The following RAD51B variants were observed in gnomAD, a reference collection of about 807,000 sequenced individuals.
The protein encoded by RAD51B is RAD51 paralog B.
RAD51B carries 38 observed loss-of-function variants against 42.2 expected under a neutral mutation model. That is an observed-to-expected ratio of 0.90 (90% CI 0.70 to 1.18). RAD51B has a LOEUF of 1.18. RAD51B is among the 50% of genes most tolerant of loss of function. RAD51B has a pLI of 0.00. For synonymous variants in RAD51B, 154 were observed against 145.2 expected, an observed-to-expected ratio of 1.06 and a Z score of -0.43; for missense variants, 373 against 400.7, an observed-to-expected ratio of 0.93 and a Z score of 0.59.
chr14:68,127,900 A>G (rs2077804959), intron 7 of RAD51B, among the ~76,000 whole-genome samples: 1 of 152,184 alleles, frequency 6.6e-6, no homozygotes, highest in Admixed American at 6.5e-5. Flanking sequence ...TGTGTCCCCT[A>G]GGAATGTAAG....
chr14:67,897,075 A>G (rs2043446415), intron 7 of RAD51B, among the ~76,000 whole-genome samples: 1 of 152,200 alleles, frequency 6.6e-6, no homozygotes, highest in Admixed American at 6.5e-5. Context: ...CTTATTTTAT[A>G]CCATACACAA....
intron 8 of RAD51B, among the ~76,000 whole-genome samples, chr14:68,358,368 C>T (rs2082950453): frequency 6.6e-6 from 1 of 152,184 alleles, no homozygotes; most frequent in South Asian, 2.1e-4. Flanking sequence ...TAAAGCTAGA[C>T]ATGCCTGTAC....
intron 8 of RAD51B, among the ~76,000 whole-genome samples, chr14:68,360,948 C>T (rs1358501697): frequency 6.6e-6 from 1 of 152,162 alleles, no homozygotes; most frequent in East Asian, 1.9e-4. Context: ...CTCCCTATAG[C>T]ATTCCTTCCT....
Position 68,159,682 on chromosome 14 carries a change from A to G in RAD51B, c.757-132202A>G, listed in dbSNP as rs2078596063. Among the ~76,000 whole-genome samples, 8 of 150,930 alleles carry G rather than the reference A, an allele frequency of 5.3e-5. No individual in the cohort carries two copies. In the South Asian group the frequency reaches 1.7e-3, roughly 32 times the overall value. The stretch of plus-strand genomic sequence containing the variant: ...CTGAACACAGACATTTTAGTTTTTC[A>G]TACTCAGTTTTTACATTCTATTTCC... On this transcript the variant is annotated intron_variant, in intron 7 of 10. Coordinates refer to ENST00000471583, the MANE Select transcript of RAD51B (RefSeq NM_133510.4).
chr14:68,563,935 C>A (rs17105852), intron 10 of RAD51B: 32,991 of 982,132 alleles, frequency 0.034, 648 homozygotes, highest in African/African-American at 0.069. Context: ...ATAATATTGG[C>A]CCTGATAGAG....
intron 9 of RAD51B, among the ~76,000 whole-genome samples, chr14:68,464,154 G>A (rs11851879): frequency 0.011 from 1,737 of 152,226 alleles, 34 homozygotes; most frequent in African/African-American, 0.04. Flanking sequence ...GATTTGTTTT[G>A]ATATCATGTT....
At chr14:68,536,059 C>G (rs1036702258) in intron 10 of RAD51B, among the ~76,000 whole-genome samples, 6 of 152,158 alleles carry the variant, frequency 3.9e-5, no homozygotes, top group Admixed American at 2.0e-4. Flanking sequence ...ATTCCAGAAA[C>G]TAGGAAGCAG....
At chr14:67,851,349 G>T (rs186765840) in intron 4 of RAD51B, among the ~76,000 whole-genome samples, 1 of 152,010 alleles carries the variant, frequency 6.6e-6, no homozygotes, top group Non-Finnish European at 1.5e-5. Context: ...AAACTCTCAG[G>T]CAGGGCACTT....
intron 8 of RAD51B, among the ~76,000 whole-genome samples, chr14:68,329,252 C>T (rs2082302149): frequency 6.6e-6 from 1 of 152,198 alleles, no homozygotes; most frequent in South Asian, 2.1e-4. Context: ...AAGCCATCCT[C>T]CTGCCTTAGC....
chr14:68,300,693 A>T (rs1452311293), intron 8 of RAD51B, among the ~76,000 whole-genome samples: 1 of 152,148 alleles, frequency 6.6e-6, no homozygotes, highest in Non-Finnish European at 1.5e-5. Context: ...TCAGGAGGGG[A>T]GAGACGTCTC....
intron 8 of RAD51B, among the ~76,000 whole-genome samples, chr14:68,375,861 C>G (rs533048838): frequency 3.4e-4 from 51 of 151,898 alleles, no homozygotes; most frequent in Admixed American, 5.9e-4. Flanking sequence ...TGAAAATCAC[C>G]AAGTTTAAAA....
intron 7 of RAD51B, among the ~76,000 whole-genome samples, chr14:68,201,689 T>C (rs925758680): frequency 6.6e-6 from 1 of 152,210 alleles, no homozygotes; most frequent in African/African-American, 2.4e-5. Context: ...ATCTTTTTTA[T>C]ATCAGTGATA....
chr14:68,117,440 A>G (rs2077569782), intron 7 of RAD51B, among the ~76,000 whole-genome samples: 1 of 152,174 alleles, frequency 6.6e-6, no homozygotes, highest in African/African-American at 2.4e-5. Flanking sequence ...AAAAGATATG[A>G]CCGTGGAGAG....
At chr14:68,181,867 CTG>C (rs943572959) in intron 7 of RAD51B, among the ~76,000 whole-genome samples, 15 of 152,152 alleles carry the variant, frequency 9.9e-5, no homozygotes, top group South Asian at 2.1e-4. Flanking sequence ...TGGAAAAACT[CTG>C]AGTAAAAGTC....
downstream of RAD51B, among the ~76,000 whole-genome samples, chr14:68,482,176 G>GGTGTGTGTGT (rs66768673): frequency 0.21 from 31,799 of 149,712 alleles, 3,579 homozygotes; most frequent in Non-Finnish European, 0.25. Flanking sequence ...ATATTTTAGG[G>GGTGTGTGTGT]GTGTGTGTGT....
intron 7 of RAD51B, among the ~76,000 whole-genome samples, chr14:68,193,270 C>T (rs775715160): frequency 2.0e-5 from 3 of 152,162 alleles, no homozygotes; most frequent in Non-Finnish European, 4.4e-5. Context: ...CATTAAATTT[C>T]CTCCCTGATT....
chr14:68,180,360 G>C (rs372513044), intron 7 of RAD51B, among the ~76,000 whole-genome samples: 2 of 152,276 alleles, frequency 1.3e-5, no homozygotes, highest in African/African-American at 4.8e-5. Flanking sequence ...TGTGGTTTGG[G>C]AGTAGGAGGC....
chr14:68,628,478 C>G (rs979240320), intron 10 of RAD51B: 7 of 152,382 alleles, frequency 4.6e-5, no homozygotes, highest in African/African-American at 1.7e-4. Context: ...GCACAAAGGC[C>G]TGCTTTGTTC....
intron 7 of RAD51B, among the ~76,000 whole-genome samples, chr14:67,921,462 T>C (rs1276886868): frequency 2.6e-5 from 4 of 152,134 alleles, no homozygotes; most frequent in Non-Finnish European, 4.4e-5. Flanking sequence ...AGCAAATATT[T>C]TTCCCTCAAA....
Sources: gnomAD v4.1 joint callset for allele counts (sites outside exome capture counted in the v4.1 genomes callset) on GRCh38, gnomAD v4.1.1 for gene constraint, MANE v1.5 for transcripts, NCBI Gene and HGNC (gene_info 2026-07-23, HGNC 2026-07-21) for gene names.